Variants in MRPS18A observed in about 807,000 individuals in gnomAD.
MRPS18A encodes the protein mitochondrial ribosomal protein S18A.
Under a neutral mutation model 22.7 loss-of-function variants are expected in MRPS18A, and 20 were observed. The ratio of observed to expected loss-of-function variants is 0.88; its 90% CI spans 0.62 to 1.28. The LOEUF (loss-of-function observed/expected upper bound fraction) is 1.28. Ranked by LOEUF, MRPS18A falls within the 50% of genes most tolerant of loss-of-function variation. The pLI is 0.00. For synonymous variants in MRPS18A, 106 were observed against 99.1 expected, an observed-to-expected ratio of 1.07 and a Z score of -0.41; for missense variants, 294 against 262.6, an observed-to-expected ratio of 1.12 and a Z score of -0.83.
intron 2 of MRPS18A, among the ~76,000 whole-genome samples, chr6:43,679,086 C>T (rs531731096): frequency 3.3e-5 from 5 of 152,320 alleles, no homozygotes; most frequent in African/African-American, 7.2e-5. Context: ...GTCCTCCTAG[C>T]GGGAAACTGC....
chr6:43,675,067 A>T, intron 5 of MRPS18A, 135 bp downstream of exon 5: 1 of 726,032 alleles, frequency 1.4e-6, no homozygotes, highest in Non-Finnish European at 2.1e-6. Context: ...GCAACAGAAG[A>T]AGCGAAGACT....
chr6:43,679,670 G>A (rs1774278129), intron 2 of MRPS18A, among the ~76,000 whole-genome samples: 1 of 152,110 alleles, frequency 6.6e-6, no homozygotes, highest in African/African-American at 2.4e-5. Flanking sequence ...GCTTTGGGAG[G>A]GAAGCAACAC....
intron 4 of MRPS18A, 103 bp downstream of exon 4, chr6:43,675,391 C>T (rs778236675): frequency 1.8e-5 from 29 of 1,601,986 alleles, no homozygotes; most frequent in East Asian, 1.3e-4. Flanking sequence ...ATTAACACTC[C>T]GGATATCCAC....
chr6:43,681,049 C>A, intron 2 of MRPS18A, 40 bp downstream of exon 2: 3 of 1,606,484 alleles, frequency 1.9e-6, no homozygotes, highest in Non-Finnish European at 2.6e-6. Flanking sequence ...CAGCTCCAAG[C>A]GTTAAAGAGG....
intron 1 of MRPS18A, among the ~76,000 whole-genome samples, chr6:43,685,276 A>G (rs1337077094): frequency 6.6e-6 from 1 of 152,200 alleles, no homozygotes; most frequent in Non-Finnish European, 1.5e-5. Flanking sequence ...AGTAAGTCAC[A>G]ATTTCTATTT....
intron 3 of MRPS18A, 30 bp from the exon 4 acceptor site, chr6:43,675,647 G>T: frequency 6.3e-7 from 1 of 1,577,844 alleles, no homozygotes; most frequent in Middle Eastern, 1.7e-4. Flanking sequence ...GGGGATGAGG[G>T]TCAGCTGGGC....
Position 43,680,529 on chromosome 6 carries a change from CAAGG to C in MRPS18A, c.144+556_144+559del, listed in dbSNP as rs1403143469. Reference sequence around the variant, plus strand: ...GGATAATCTAGGCCCCATGACTCCCCAAGGAAGGGAGGTGGGATGGGCCCAGGGA... The same window carrying C: ...GGATAATCTAGGCCCCATGACTCCCCAAGGGAGGTGGGATGGGCCCAGGGA... On this transcript the variant is annotated intron_variant, in intron 2 of 5. Transcript: ENST00000372133. Among the ~76,000 whole-genome samples the C allele has an allele frequency of 2.6e-5, 4 of 152,144 alleles. 1 individual carries two copies. In the East Asian group the frequency reaches 7.7e-4, roughly 29 times the overall value.
chr6:43,674,680 A>G (rs1773950357), intron 5 of MRPS18A, among the ~76,000 whole-genome samples: 1 of 152,210 alleles, frequency 6.6e-6, no homozygotes, highest in Non-Finnish European at 1.5e-5. Flanking sequence ...CCTTCTCTGT[A>G]TGAACTCTGG....
At chr6:43,679,042 A>G (rs1582410516) in intron 2 of MRPS18A, among the ~76,000 whole-genome samples, 1 of 152,220 alleles carries the variant, frequency 6.6e-6, no homozygotes, top group East Asian at 1.9e-4. Context: ...ACAGGGATAT[A>G]GAGTCCAAAG....
chr6:43,679,004 AT>A (rs1260602118), intron 2 of MRPS18A, among the ~76,000 whole-genome samples: 37 of 152,330 alleles, frequency 2.4e-4, no homozygotes, highest in African/African-American at 8.4e-4. Context: ...AAAGTAATAC[AT>A]GCACATGGTA....
chr6:43,686,406 A>C (rs1257821424), intron 1 of MRPS18A, among the ~76,000 whole-genome samples: 1 of 152,256 alleles, frequency 6.6e-6, no homozygotes, highest in East Asian at 1.9e-4. Context: ...CTAATGGATA[A>C]GTTAATCAGG....
chr6:43,676,133 G>A (rs1334098504), intron 3 of MRPS18A, among the ~76,000 whole-genome samples: 1 of 148,554 alleles, frequency 6.7e-6, no homozygotes, highest in Non-Finnish European at 1.5e-5. Context: ...TTGCAGGTGT[G>A]CGCCCCTACA....
In MRPS18A at chr6:43,675,204, G is replaced by T. The variant is rs1252121882; in HGVS notation, c.444C>A (p.Asn148Lys). The T allele has an allele frequency of 6.6e-7, 1 of 1,514,058 alleles. No individual in the cohort carries two copies. The highest frequency in any genetic ancestry group is 8.8e-7 in the Non-Finnish European group (1 of 1,132,198). 93.8% of individuals were successfully genotyped at this position (1,514,058 alleles called of 1,614,324 possible). A position where few individuals can be genotyped will look rare whatever the true frequency, so the allele number is the denominator to read the frequency against. ...TGTTCACACCCAGGCTTGCTTACCG[G>T]TTGAGTTGGGGTTTGCTCTTCGGAA... Reference protein sequence around the residue: ...GVVPKSKPQLNRYLTRWAPGS... With the variant: ...GVVPKSKPQLKRYLTRWAPGS... The change falls in exon 5 of 6, where the codon AAC becomes AAA. Residue 148 changes from asparagine to lysine, a missense_variant and splice_region_variant. Physicochemically the swap from Asn to Lys is moderately conservative, Grantham distance 94 (BLOSUM62 0). Transcript: ENST00000372133.
Position 43,673,219 on chromosome 6 carries a change from C to A in MRPS18A, c.447-1313G>T, listed in dbSNP as rs1773849342. ...GCCAGGCTGGTCTTGAACTCCTGAC[C>A]TCAAGTGATCCGCCCGCCTCGGCCT... On this transcript the variant is annotated intron_variant, in intron 5 of 5. Transcript: ENST00000372133. This position sits in a 1 kb window ranked among gnomAD's most constrained non-coding sequence, Gnocchi z 4.2. 6.6e-6 allele frequency among the ~76,000 whole-genome samples: 1 copy of A among 151,996 alleles called. No individual in the cohort carries two copies. The highest frequency in any genetic ancestry group is 1.5e-5 in the Non-Finnish European group (1 of 68,000).
Position 43,687,688 on chromosome 6 carries a change from G to A in MRPS18A, c.92C>T (p.Pro31Leu), listed in dbSNP as rs748439747. 1.3e-6 allele frequency: 2 copies of A among 1,578,064 alleles called. No individual in the cohort carries two copies. The highest frequency in any genetic ancestry group is 3.7e-5 in the Admixed American group (2 of 53,802). Residue 31 changes from proline to leucine, a missense_variant, in exon 1 of 6, where the codon CCA becomes CTA. Transcript: ENST00000372133. ...GPAATSWSRL[P>L]ARGFREVVET... ...CTCACCTTCCCTGAACCCGCGAGCT[G>A]GAAGCCGAGACCAGCTGGTCGCTGC...
chr6:43,679,413 T>C (rs889897687), intron 2 of MRPS18A, among the ~76,000 whole-genome samples: 7 of 152,252 alleles, frequency 4.6e-5, no homozygotes, highest in African/African-American at 1.4e-4. Flanking sequence ...ACGATACAGA[T>C]GGGAGGATAC....
At chr6:43,685,950 T>C (rs916278024) in intron 1 of MRPS18A, among the ~76,000 whole-genome samples, 1 of 152,224 alleles carries the variant, frequency 6.6e-6, no homozygotes, top group African/African-American at 2.4e-5. Flanking sequence ...AGAGACCCAT[T>C]TGATTTACAG....
intron 1 of MRPS18A, among the ~76,000 whole-genome samples, chr6:43,682,763 C>T (rs942223650): frequency 7.9e-5 from 12 of 152,222 alleles, no homozygotes; most frequent in African/African-American, 2.9e-4. Context: ...AAGGTCACTG[C>T]AATACGTCAA....
At chr6:43,683,635 C>CA (rs1774533447) in intron 1 of MRPS18A, among the ~76,000 whole-genome samples, 1 of 152,140 alleles carries the variant, frequency 6.6e-6, no homozygotes, top group Non-Finnish European at 1.5e-5. Flanking sequence ...ATGGCAGTAT[C>CA]AAGTAAGCTA....
Sources: allele counts gnomAD v4.1 joint callset (sites outside exome capture counted in the v4.1 genomes callset), GRCh38; gene constraint gnomAD v4.1.1; non-coding constraint Gnocchi (gnomAD v3.1); transcripts MANE v1.5; gene names NCBI Gene and HGNC (gene_info 2026-07-23, HGNC 2026-07-21).